DIAPH2: variants seen among roughly 807,000 people sequenced by gnomAD.
DIAPH2 encodes diaphanous related formin 2, also known as protein diaphanous homolog 2.
A neutral mutation model predicts 92.7 loss-of-function variants in DIAPH2; 35 were observed. The observed-to-expected ratio is 0.38, with a 90% CI of 0.29 to 0.50. The LOEUF is 0.50. Ranked by LOEUF, DIAPH2 falls within the 20% of genes least tolerant of loss-of-function variation. The pLI, the probability that DIAPH2 is intolerant of heterozygous loss-of-function variation, is 0.94. For synonymous variants in DIAPH2, 301 were observed against 280.4 expected, an observed-to-expected ratio of 1.07 and a Z score of -0.73; for missense variants, 701 against 819.5, an observed-to-expected ratio of 0.86 and a Z score of 1.77.
At chrX:96,689,135 A>G (rs975859583) in intron 1 of DIAPH2, among the ~76,000 whole-genome samples, 1 of 108,575 alleles carries the variant, frequency 9.2e-6, no homozygotes, top group African/African-American at 3.4e-5. Flanking sequence ...TGAAAAAACA[A>G]CATATACAAA....
intron 17 of DIAPH2, among the ~76,000 whole-genome samples, chrX:96,972,757 G>T (rs1296668300): frequency 1.8e-5 from 2 of 111,156 alleles, no homozygotes; most frequent in African/African-American, 3.3e-5. Context: ...AATTTTAATA[G>T]AATTTCTATA....
chrX:97,412,031 C>G (rs1251124114), intron 25 of DIAPH2, among the ~76,000 whole-genome samples: 1 of 111,837 alleles, frequency 8.9e-6, no homozygotes, highest in Non-Finnish European at 1.9e-5. Flanking sequence ...AGGACTTGAA[C>G]TCAGCTCTGC....
chrX:97,015,746 C>A (rs1220742435), intron 17 of DIAPH2, among the ~76,000 whole-genome samples: 6 of 103,749 alleles, frequency 5.8e-5, no homozygotes, highest in African/African-American at 2.2e-4. Context: ...TGACATTGAG[C>A]CACTGCACTC....
At chrX:97,103,067 C>T (rs751362279) in intron 20 of DIAPH2, among the ~76,000 whole-genome samples, 36 of 112,281 alleles carry the variant, frequency 3.2e-4, no homozygotes, top group Non-Finnish European at 6.0e-4. Flanking sequence ...GCTTTAACCA[C>T]TGTGCTCCTG....
At chrX:97,220,375 A>G (rs1218753958) in intron 22 of DIAPH2, among the ~76,000 whole-genome samples, 8 of 110,616 alleles carry the variant, frequency 7.2e-5, no homozygotes, top group African/African-American at 2.6e-4. Context: ...TAGAAAAAAA[A>G]AAAAAAGAAA....
chrX:97,132,606 AGACT>A (rs1178831463), intron 21 of DIAPH2, among the ~76,000 whole-genome samples: 10 of 112,036 alleles, frequency 8.9e-5, no homozygotes, highest in African/African-American at 3.2e-4. Context: ...TGCTGTATCA[AGACT>A]GACAAGCAGT....
chrX:97,422,487 T>G (rs2070019457), intron 25 of DIAPH2, among the ~76,000 whole-genome samples: 1 of 111,970 alleles, frequency 8.9e-6, no homozygotes, highest in Admixed American at 9.5e-5. Flanking sequence ...GGGTCCTACT[T>G]TCAGTAAGAA....
At chrX:97,386,600 G>A (rs1362335618) in intron 25 of DIAPH2, among the ~76,000 whole-genome samples, 3 of 107,402 alleles carry the variant, frequency 2.8e-5, no homozygotes, top group Admixed American at 2.0e-4. Flanking sequence ...CCCAGGAGGT[G>A]GAAGTTGCAG....
intron 4 of DIAPH2, among the ~76,000 whole-genome samples, chrX:96,818,492 T>C (rs1433429723): frequency 9.0e-6 from 1 of 111,659 alleles, no homozygotes; most frequent in Non-Finnish European, 1.9e-5. Flanking sequence ...GTTAGGTTAG[T>C]GCTGAATGGT....
At chrX:97,057,972 AGTAAAAAAAAAAAAG>A (rs1445498702) in intron 17 of DIAPH2, among the ~76,000 whole-genome samples, 1 of 108,844 alleles carries the variant, frequency 9.2e-6, no homozygotes, top group Non-Finnish European at 1.9e-5. Context: ...TTTTGTTGTC[AGTAAAAAAAAAAAAG>A]GTGTGGTACT....
In DIAPH2 at chrX:97,114,794, C is replaced by T; in HGVS notation, c.2418C>T (p.His806=). The T allele has an allele frequency of 2.5e-6, 3 of 1,210,750 alleles. No individual in the cohort carries two copies. In the South Asian group the frequency reaches 5.3e-5, roughly 21 times the overall value. ...SILFKLTFEE[H]INNIKPSIIA... Reference sequence around the variant, plus strand: ...TGTTCAAGCTCACATTTGAAGAACACATAAACAACATCAAACCAAGCATCA... The same window carrying T: ...TGTTCAAGCTCACATTTGAAGAACATATAAACAACATCAAACCAAGCATCA... Residue 806 remains histidine (H), a synonymous_variant, in exon 21 of 27, where the codon CAC becomes CAT. Coordinates refer to ENST00000324765, the MANE Select transcript of DIAPH2 (RefSeq NM_006729.5).
At chrX:97,334,999 A>AAAAC (rs1556029061) in intron 23 of DIAPH2, among the ~76,000 whole-genome samples, 1 of 13,849 alleles carries the variant, frequency 7.2e-5, no homozygotes, top group Admixed American at 1.1e-3. Context: ...AAAACAAAAC[A>AAAAC]AAAAAAAAAA....
intron 17 of DIAPH2, among the ~76,000 whole-genome samples, chrX:97,030,471 G>T (rs2066365800): frequency 9.0e-6 from 1 of 111,253 alleles, no homozygotes; most frequent in Non-Finnish European, 1.9e-5. Flanking sequence ...AGTGCTAAAG[G>T]ATGATACAAA....
At chrX:97,134,358 AACACGTTG>A (rs930349422) in intron 21 of DIAPH2, among the ~76,000 whole-genome samples, 1 of 112,007 alleles carries the variant, frequency 8.9e-6, no homozygotes, top group African/African-American at 3.2e-5. Context: ...AAGCATTGAA[AACACGTTG>A]ACACTTCAAC....
At position 97,188,267 on chromosome X, in the gene DIAPH2, C is replaced by T. The variant is rs2067624146; in HGVS notation, c.2719+46473C>T. Among the ~76,000 whole-genome samples the T allele has an allele frequency of 2.7e-5, 3 of 111,707 alleles. No homozygotes were observed. In the Admixed American group the frequency reaches 2.9e-4, roughly 11 times the overall value. ...TTTAGAATACTAGGGAGTAAAACAA[C>T]ACCATCAGTGTCCACAGAGAAATTG... On this transcript the variant is annotated intron_variant, in intron 22 of 26. Transcript: ENST00000324765.
chrX:96,904,562 T>C (rs2065420189), intron 5 of DIAPH2, among the ~76,000 whole-genome samples: 1 of 111,691 alleles, frequency 9.0e-6, no homozygotes, highest in Admixed American at 9.5e-5. Flanking sequence ...ACAGTGAAAC[T>C]GTTTATGATG....
At position 97,026,762 on chromosome X, in the gene DIAPH2, G is replaced by GT. The variant is rs752667232; in HGVS notation, c.2051-46171dup. On this transcript the variant is annotated intron_variant, in intron 17 of 26. Transcript: ENST00000324765. ...CTTTTTCTCACATGTAGAAGATAGA[G>GT]TTTTTTTTGTTTGTTTGTTTAACAA... is the stretch of plus-strand genomic sequence containing the variant. 4.1e-3 allele frequency among the ~76,000 whole-genome samples: 463 copies of GT among 111,703 alleles called. 3 individuals are homozygous for GT. Among genetic ancestry groups the GT allele is most frequent in the Non-Finnish European group, 6.2e-3 (329 of 52,992 alleles).
rs146450527 is a variant in DIAPH2 at position 96,702,707 on chromosome X, A to G, written c.132+17517A>G. 6.3e-4 allele frequency among the ~76,000 whole-genome samples: 71 copies of G among 112,140 alleles called. No homozygotes were observed. The East Asian group carries it at 0.017, about 28-fold the overall frequency. On this transcript the variant is annotated intron_variant, in intron 1 of 26. Transcript: ENST00000324765. Reference sequence around the variant, plus strand: ...ATTCCCATAGACTAGGTGGCATATGAACAACAGAAATTTATTACACACAGT... The same window carrying G: ...ATTCCCATAGACTAGGTGGCATATGGACAACAGAAATTTATTACACACAGT...
At chrX:97,084,758 A>G (rs756652312) in intron 19 of DIAPH2, among the ~76,000 whole-genome samples, 3 of 111,682 alleles carry the variant, frequency 2.7e-5, no homozygotes, top group Non-Finnish European at 3.8e-5. Context: ...CTAGATAAAG[A>G]AATCAAAGGA....
Sources: gnomAD v4.1 joint callset for allele counts (sites outside exome capture counted in the v4.1 genomes callset) on GRCh38, gnomAD v4.1.1 for gene constraint, MANE v1.5 for transcripts, NCBI Gene and HGNC (gene_info 2026-07-23, HGNC 2026-07-21) for gene names.